SAMD11: variants seen among roughly 807,000 people sequenced by gnomAD.
The protein encoded by SAMD11 is sterile alpha motif domain containing 11.
Under a neutral mutation model 64.4 loss-of-function variants are expected in SAMD11, and 77 were observed. That is an observed-to-expected ratio of 1.20 (90% CI 0.99 to 1.44). The LOEUF (loss-of-function observed/expected upper bound fraction) is 1.44, where lower values mean the gene tolerates loss of function less well. Among genes scored for constraint, SAMD11 ranks in the 40% most tolerant of loss-of-function variants. The pLI, the probability that SAMD11 is intolerant of heterozygous loss-of-function variation, is 0.00. For missense variants in SAMD11, 1,402 were observed against 943.3 expected (o/e 1.49, Z -6.37); for synonymous variants, 658 against 421.9 (o/e 1.56, Z -6.86).
chr1:937,411 C>T (rs1641514669), intron 5 of SAMD11, among the ~76,000 whole-genome samples: 2 of 143,068 alleles, frequency 1.4e-5, no homozygotes, highest in Admixed American at 6.9e-5. Context: ...CCCCCCCACC[C>T]AGTCACCTCC....
rs1227807402 is a variant in SAMD11 at position 931,012 on chromosome 1, A to G, written c.792-27A>G. 8 of 1,610,740 alleles carry G rather than the reference A, an allele frequency of 5.0e-6. No homozygotes were observed. In the Admixed American group the frequency reaches 6.7e-5, roughly 13 times the overall value. Reference sequence around the variant, plus strand: ...TGGGGTCAGGGGCCTCCAGAGCAACATGGACCTTCTGCTTCCCTTCCTGCA... The same window carrying G: ...TGGGGTCAGGGGCCTCCAGAGCAACGTGGACCTTCTGCTTCCCTTCCTGCA... On this transcript the variant is annotated intron_variant, in intron 3 of 13. Transcript: ENST00000616016.
At chr1:939,599 C>G in intron 7 of SAMD11, 187 bp downstream of exon 7, 7 of 1,040,848 alleles carry the variant, frequency 6.7e-6, no homozygotes, top group Non-Finnish European at 9.6e-6. Flanking sequence ...GCCCCATGCC[C>G]CCTGGGGCGG....
At chr1:932,958 G>C (rs979980784) in intron 4 of SAMD11, among the ~76,000 whole-genome samples, 1 of 152,206 alleles carries the variant, frequency 6.6e-6, no homozygotes, top group Non-Finnish European at 1.5e-5. Flanking sequence ...AATGAGGGGC[G>C]GTGGCGGGAG....
At chr1:929,465 G>A (rs1641066320) in intron 2 of SAMD11, among the ~76,000 whole-genome samples, 1 of 152,240 alleles carries the variant, frequency 6.6e-6, no homozygotes, top group Non-Finnish European at 1.5e-5. Context: ...ACAGTTGCCA[G>A]TGGCCTTGCA....
chr1:942,752 C>A lies in SAMD11; in HGVS notation c.1747C>A (p.Pro583Thr), dbSNP rs978817347. 10 of 1,504,048 alleles carry A rather than the reference C, an allele frequency of 6.6e-6. No individual in the cohort carries two copies. The highest frequency in any genetic ancestry group is 4.3e-5 in the African/African-American group (3 of 69,030). The allele number at this position is 1,504,048 out of a possible 1,614,324, so 93.2% of individuals were successfully genotyped here. The change falls in exon 11 of 14, where the codon CCC becomes ACC. Residue 583 changes from proline to threonine, a missense_variant. Transcript: ENST00000616016. ...CCCCCAGGGGCCCCCGGGCTCCGGA[C>A]CCCCCACCCCGTCCCGGGACTCTGC... The part of the protein sequence containing the change: ...LPPQGPPGSG[P>T]PTPSRDSARR...
At chr1:938,083 C>T (rs1363669957) in intron 5 of SAMD11, among the ~76,000 whole-genome samples, 2 of 152,156 alleles carry the variant, frequency 1.3e-5, no homozygotes, top group Non-Finnish European at 2.9e-5. Flanking sequence ...GAGGCACTGG[C>T]TGGCCTGGGA....
In SAMD11 at chr1:935,866, G is replaced by C. The variant is rs1372377116; in HGVS notation, c.937G>C (p.Gly313Arg). 1.2e-6 allele frequency: 2 copies of C among 1,613,070 alleles called. No individual in the cohort carries two copies. Among genetic ancestry groups the C allele is most frequent in the Admixed American group, 1.7e-5 (1 of 60,018 alleles). The change falls in exon 5 of 14, where the codon GGC becomes CGC. Residue 313 changes from glycine (G) to arginine (R), a missense_variant. Transcript: ENST00000616016. ...EHQSRCEFQRGSLEIGLRPAG... is the reference protein window; with the variant it reads ...EHQSRCEFQRRSLEIGLRPAG... The stretch of plus-strand genomic sequence containing the variant: ...TCAGAGCCGCTGTGAATTCCAGAGA[G>C]GCAGCCTGGAGATTGGCCTGCGACC...
In SAMD11 at chr1:942,719, G is replaced by A; in HGVS notation, c.1714G>A (p.Ala572Thr). 6.8e-7 allele frequency: 1 copy of A among 1,461,112 alleles called. No individual in the cohort carries two copies. Among genetic ancestry groups the A allele is most frequent in the Non-Finnish European group, 8.9e-7 (1 of 1,117,666 alleles). The allele number at this position is 1,461,112 out of a possible 1,614,324, so 90.5% of individuals were successfully genotyped here. The change falls in exon 11 of 14, where the codon GCC (alanine) becomes ACC (threonine). Residue 572 changes from alanine (A) to threonine (T), a missense_variant. Coordinates refer to ENST00000616016, the MANE Select transcript of SAMD11 (RefSeq NM_001385641.1). ...GAACCACGGCGCGGCGCCACTGCTG[G>A]CCCTGCCCCCCCAGGGGCCCCCGGG... ...VLNHGAAPLL[A>T]LPPQGPPGSG... is the part of the protein sequence containing the mutation.
chr1:930,444 C>T (rs987210001), intron 3 of SAMD11, 108 bp downstream of exon 3: 8 of 1,233,360 alleles, frequency 6.5e-6, no homozygotes, highest in African/African-American at 3.0e-5. Flanking sequence ...CCACACCTTC[C>T]CTCAGATGCT....
chr1:938,255 T>A, intron 5 of SAMD11, among the ~76,000 whole-genome samples: 1 of 150,918 alleles, frequency 6.6e-6, no homozygotes. Flanking sequence ...TGCCACCTGC[T>A]GGGCTGTGTT....
chr1:930,114 C>T (rs1641100666), intron 2 of SAMD11, 41 bp from the exon 3 acceptor site: 3 of 1,534,166 alleles, frequency 2.0e-6, no homozygotes, highest in Non-Finnish European at 2.6e-6. Flanking sequence ...CCCCACCTTC[C>T]TCTCCTCCTG....
rs1445222729 is a variant in SAMD11, at chr1:944,209, C to A, written c.*56C>A. 1.1e-5 allele frequency: 17 copies of A among 1,488,178 alleles called. No individual in the cohort carries two copies. In the African/African-American group the frequency reaches 2.1e-4, roughly 19 times the overall value. The allele number at this position is 1,488,178 out of a possible 1,614,324, so 92.2% of individuals were successfully genotyped here. ...AATCTCCAGGAGCCACCACTCAACA[C>A]AATGGCCCTGCCTCCCACCGCTTTA... On this transcript the variant is annotated 3_prime_UTR_variant, in exon 14 of 14. Transcript: ENST00000616016.
intron 5 of SAMD11, 48 bp from the exon 6 acceptor site, chr1:938,992 C>T (rs554509907): frequency 6.6e-7 from 1 of 1,506,816 alleles, no homozygotes; most frequent in African/African-American, 1.4e-5. Context: ...GGCTGGGTTC[C>T]CCTTCCATTC....
At position 944,107 on chromosome 1, in the gene SAMD11, T is replaced by C. The variant is rs750475157; in HGVS notation, c.2489T>C (p.Leu830Ser). The part of the protein sequence containing the change: ...QTSPKQENGT[L>S]ALLPGAPDPS... ...TCACCCAAGCAGGAGAATGGGACCTTGGCTCTACTTCCAGGGGCCCCCGAC... is the reference window on the plus strand; with the variant it reads ...TCACCCAAGCAGGAGAATGGGACCTCGGCTCTACTTCCAGGGGCCCCCGAC... The change falls in exon 14 of 14, where the codon TTG becomes TCG. Residue 830 changes from leucine (L) to serine (S), a missense_variant. Leu to Ser is a moderately radical substitution (Grantham distance 145). Transcript: ENST00000616016. 1.9e-6 allele frequency: 3 copies of C among 1,607,654 alleles called. No homozygotes were observed. In the Admixed American group the frequency reaches 5.0e-5, roughly 27 times the overall value.
chr1:935,931 G>A lies in SAMD11; in HGVS notation c.967+35G>A, dbSNP rs1261656678. On this transcript the variant is annotated intron_variant, in intron 5 of 13. Transcript: ENST00000616016. ...ACAGGGGGCCTGAGGGCGGGGTCGGGGCTGTGGGGCCAGAGGACGGTGGCG... is the reference window on the plus strand; with the variant it reads ...ACAGGGGGCCTGAGGGCGGGGTCGGAGCTGTGGGGCCAGAGGACGGTGGCG... 4 of 1,601,292 alleles carry A rather than the reference G, an allele frequency of 2.5e-6. No homozygotes were observed. The Admixed American group carries it at 5.1e-5, about 20-fold the overall frequency.
chr1:942,431 C>T lies in SAMD11; in HGVS notation c.1496C>T (p.Ala499Val). ...CCAGGCTACGGCTTCCTGCCCCCCG[C>T]GCAGGCGGAGATGTTCGCCTGGCAG... ...QTPGYGFLPP[A>V]QAEMFAWQQE... Residue 499 changes from alanine (A) to valine (V), a missense_variant, in exon 10 of 14, where the codon GCG (alanine) becomes GTG (valine). Coordinates refer to ENST00000616016, the MANE Select transcript of SAMD11 (RefSeq NM_001385641.1). The T allele has an allele frequency of 6.7e-7, 1 of 1,486,332 alleles. No individual in the cohort carries two copies. The highest frequency in any genetic ancestry group is 8.9e-7 in the Non-Finnish European group (1 of 1,124,538). 92.1% of individuals were successfully genotyped at this position (1,486,332 alleles called of 1,614,324 possible). A position where few individuals can be genotyped will look rare whatever the true frequency, so the allele number is the denominator to read the frequency against.
At position 935,802 on chromosome 1, in the gene SAMD11, C is replaced by T; in HGVS notation, c.873C>T (p.Ser291=). ...ACGGCAACCTTCCCACCCTCATATC[C>T]AGCGTCCACCGCAGCCGCCACCTCG... ...SQDGNLPTLI[S]SVHRSRHLVM... The change falls in exon 5 of 14, where the codon TCC becomes TCT. Residue 291 remains serine (S), a synonymous_variant. Transcript: ENST00000616016. The T allele has an allele frequency of 1.9e-6, 3 of 1,613,504 alleles. No individual in the cohort carries two copies. The highest frequency in any genetic ancestry group is 2.2e-5 in the East Asian group (1 of 44,882).
Position 944,327 on chromosome 1 carries a change from A to G in SAMD11, c.*174A>G. 1.4e-6 allele frequency: 2 copies of G among 1,385,858 alleles called. No individual in the cohort carries two copies. The highest frequency in any genetic ancestry group is 1.8e-5 in the South Asian group (1 of 54,330). The allele number at this position is 1,385,858 out of a possible 1,614,324, so 85.8% of individuals were successfully genotyped here. A position where few individuals can be genotyped will look rare whatever the true frequency, so the allele number is the denominator to read the frequency against. On this transcript the variant is annotated 3_prime_UTR_variant, in exon 14 of 14. Transcript: ENST00000616016. Reference sequence around the variant, plus strand: ...AATTTTCAAAGACTTGGGGGAGTGAAGGCAGAGCCTGGTGCAGATGGACGA... The same window carrying G: ...AATTTTCAAAGACTTGGGGGAGTGAGGGCAGAGCCTGGTGCAGATGGACGA...
intron 4 of SAMD11, among the ~76,000 whole-genome samples, chr1:931,804 A>G (rs995000124): frequency 3.9e-5 from 6 of 152,220 alleles, no homozygotes; most frequent in Admixed American, 3.9e-4. Context: ...AAGGAGATAA[A>G]AATGAAGAGC....
Sources: allele counts gnomAD v4.1 joint callset (sites outside exome capture counted in the v4.1 genomes callset), GRCh38; gene constraint gnomAD v4.1.1; transcripts MANE v1.5; gene names NCBI Gene and HGNC (gene_info 2026-07-23, HGNC 2026-07-21).